Variants in UGGT1 observed in about 807,000 individuals in gnomAD.
UGGT1 encodes the protein UDP-glucose:glycoprotein glucosyltransferase 1.
UGGT1 carries 107 observed loss-of-function variants against 203.9 expected under a neutral mutation model. The observed-to-expected ratio is 0.52, with a 90% CI of 0.45 to 0.62. UGGT1 has a LOEUF of 0.62. Among genes scored for constraint, UGGT1 ranks in the 20% least tolerant of loss-of-function variants. The probability of loss-of-function intolerance (pLI) is 0.00; values close to 1 mark genes in which losing one functional copy is unlikely to be tolerated. For missense variants in UGGT1, 1,673 were observed against 1,867.2 expected (o/e 0.90, Z 1.92); for synonymous variants, 628 against 653.5 (o/e 0.96, Z 0.59).
intron 1 of UGGT1, chr2:128,091,630 T>C (rs1390551280): frequency 7.0e-7 from 1 of 1,420,598 alleles, no homozygotes; most frequent in African/African-American, 1.5e-5. Context: ...GCGGGCTCTG[T>C]TCAGCGGTCT....
intron 1 of UGGT1, among the ~76,000 whole-genome samples, chr2:128,092,594 T>C (rs1336381616): frequency 1.2e-5 from 1 of 80,408 alleles, no homozygotes; most frequent in African/African-American, 3.7e-5. Flanking sequence ...GATAATTTTC[T>C]TTCTTTCTTT....
At position 128,172,663 on chromosome 2, in the gene UGGT1, T is replaced by C. The variant is rs374334979; in HGVS notation, c.3195T>C (p.Pro1065=). 173 of 1,614,144 alleles carry C rather than the reference T, an allele frequency of 1.1e-4. No homozygotes were observed. Among genetic ancestry groups the C allele is most frequent in the Admixed American group, 2.2e-4 (13 of 60,016 alleles). ...CAATCGCAAAATTTTTGGATATGCC[T>C]CAGTCTCCACTGTTCACTCTGAATT... ...KGPIAKFLDM[P]QSPLFTLNLN... The change falls in exon 29 of 41, where the codon CCT becomes CCC. Residue 1065 remains proline (P), a synonymous_variant. Transcript: ENST00000259253.
In UGGT1 at chr2:128,143,210, T is replaced by G; in HGVS notation, c.1836T>G (p.Tyr612Ter). 1 of 1,613,768 alleles carries G rather than the reference T, an allele frequency of 6.2e-7. No individual in the cohort carries two copies. The highest frequency in any genetic ancestry group is 8.5e-7 in the Non-Finnish European group (1 of 1,179,846). ...VNSILGIDSA[Y>*]DRNRKEARGY... Reference sequence around the variant, plus strand: ...GCATTTTGGGGATTGATTCTGCTTATGATCGGAATCGGAAGGTAAAAAATT... The same window carrying G: ...GCATTTTGGGGATTGATTCTGCTTAGGATCGGAATCGGAAGGTAAAAAATT... The change falls in exon 17 of 41, where the codon TAT (tyrosine) becomes TAG (stop). Residue 612 changes from tyrosine to a stop codon, truncating the protein, a stop_gained. Coordinates refer to ENST00000259253, the MANE Select transcript of UGGT1 (RefSeq NM_020120.4). LOFTEE classifies it high-confidence loss of function.
At chr2:128,183,817 G>T in intron 38 of UGGT1, 28 bp downstream of exon 38, 1 of 1,540,032 alleles carries the variant, frequency 6.5e-7, no homozygotes, top group Non-Finnish European at 9.0e-7. Context: ...ATGGTTAACT[G>T]TGAGTGACGG....
At position 128,152,881 on chromosome 2, in the gene UGGT1, A is replaced by G; in HGVS notation, c.2114A>G (p.Asp705Gly). Reference sequence around the variant, plus strand: ...TCTAGGATTTTGACAGCTGAACGAGACTACCTGGATTTAACAGCGAGTAGT... The same window carrying G: ...TCTAGGATTTTGACAGCTGAACGAGGCTACCTGGATTTAACAGCGAGTAGT... The part of the protein sequence containing the change: ...INSRILTAER[D>G]YLDLTASNNF... Residue 705 changes from aspartate to glycine, a missense_variant, in exon 19 of 41, where the codon GAC becomes GGC. By Grantham distance (94) the Asp-to-Gly change is moderately conservative. Transcript: ENST00000259253. 6.2e-7 allele frequency: 1 copy of G among 1,613,888 alleles called. No individual in the cohort carries two copies. The highest frequency in any genetic ancestry group is 8.5e-7 in the Non-Finnish European group (1 of 1,179,976).
At chr2:128,091,679 T>C in intron 1 of UGGT1, 1 of 1,100,382 alleles carries the variant, frequency 9.1e-7, no homozygotes, top group African/African-American at 1.7e-5. Context: ...TTGTGCCAAG[T>C]GCAGAAGGAA....
At chr2:128,111,544 C>T (rs188166798) in intron 5 of UGGT1, among the ~76,000 whole-genome samples, 6 of 152,044 alleles carry the variant, frequency 3.9e-5, no homozygotes, top group South Asian at 2.1e-4. Context: ...CTCGCTCTGT[C>T]GCCCAGGCTG....
At chr2:128,152,746 T>C (rs1246262505) in intron 18 of UGGT1, 38 bp from the exon 19 acceptor site, 1 of 1,570,922 alleles carries the variant, frequency 6.4e-7, no homozygotes, top group Non-Finnish European at 8.6e-7. Context: ...AAAATTTGCT[T>C]TACCCTCCCC....
intron 7 of UGGT1, among the ~76,000 whole-genome samples, chr2:128,115,949 A>AGG (rs1326739361): frequency 6.6e-6 from 1 of 152,306 alleles, no homozygotes; most frequent in East Asian, 1.9e-4. Context: ...ATAGTGTTTG[A>AGG]CTATTAATTT....
intron 28 of UGGT1, 121 bp from the exon 29 acceptor site, chr2:128,172,452 T>C: frequency 8.0e-7 from 1 of 1,244,670 alleles, no homozygotes; most frequent in Non-Finnish European, 1.1e-6. Context: ...CTTTTCCCAA[T>C]CTGGAAGGGT....
Position 128,181,176 on chromosome 2 carries a change from T to C in UGGT1, c.4083+104T>C, listed in dbSNP as rs1222184317. 6 of 1,148,340 alleles carry C rather than the reference T, an allele frequency of 5.2e-6. No individual in the cohort carries two copies. In the East Asian group the frequency reaches 1.2e-4, roughly 23 times the overall value. The allele number at this position is 1,148,340 out of a possible 1,614,324, so 71.1% of individuals were successfully genotyped here. ...CTTATGGAAAAGGACATGCTTATTT[T>C]ACATTTAGAAAATATGAAAATATGT... On this transcript the variant is annotated intron_variant, in intron 36 of 40. Transcript: ENST00000259253.
chr2:128,164,514 A>T (rs1428271180), intron 25 of UGGT1, among the ~76,000 whole-genome samples: 2 of 152,230 alleles, frequency 1.3e-5, no homozygotes, highest in East Asian at 1.9e-4. Context: ...AGAGTCATGC[A>T]GCGTGGGTGC....
At position 128,145,989 on chromosome 2, in the gene UGGT1, A is replaced by AT. The variant is rs755941534; in HGVS notation, c.2016+28dup. On this transcript the variant is annotated intron_variant, in intron 18 of 40. Coordinates refer to ENST00000259253, the MANE Select transcript of UGGT1 (RefSeq NM_020120.4). The stretch of plus-strand genomic sequence containing the variant: ...CTTGGTGAGTCACGTTTCAAGGCTG[A>AT]TTTTTTAAAGAGAACAGTTGGCTTA... The AT allele has an allele frequency of 2.0e-5, 33 of 1,612,968 alleles. No homozygotes were observed. In the East Asian group the frequency reaches 3.8e-4, roughly 19 times the overall value.
chr2:128,123,806 T>G (rs1263971939), intron 11 of UGGT1, among the ~76,000 whole-genome samples: 4 of 152,206 alleles, frequency 2.6e-5, no homozygotes, highest in Admixed American at 2.0e-4. Context: ...TTTAACCTCC[T>G]TTGTTGGATC....
At chr2:128,157,865 A>G (rs757005380) in intron 22 of UGGT1, among the ~76,000 whole-genome samples, 5 of 152,166 alleles carry the variant, frequency 3.3e-5, no homozygotes, top group Non-Finnish European at 7.4e-5. Context: ...GAAGCAGCTG[A>G]TTCTTCTGGA....
intron 4 of UGGT1, among the ~76,000 whole-genome samples, chr2:128,108,462 G>A (rs1390536082): frequency 6.6e-6 from 1 of 152,026 alleles, no homozygotes; most frequent in East Asian, 1.9e-4. Flanking sequence ...TTCAGGAATC[G>A]TTGTAGTAAA....
chr2:128,152,804 A>G lies in UGGT1; in HGVS notation c.2037A>G (p.Gln679=), dbSNP rs780644471. ...AVYLGELPHD[Q]DVVEYIMNQP... is the part of the protein sequence containing the mutation. ...TGCAGGGTGAACTGCCCCATGATCA[A>G]GATGTGGTAGAGTATATCATGAATC... Residue 679 remains glutamine (Q), a synonymous_variant, in exon 19 of 41, where the codon CAA becomes CAG. Coordinates refer to ENST00000259253, the MANE Select transcript of UGGT1 (RefSeq NM_020120.4). The G allele has an allele frequency of 6.2e-7, 1 of 1,611,752 alleles. No homozygotes were observed. Among genetic ancestry groups the G allele is most frequent in the Non-Finnish European group, 8.5e-7 (1 of 1,179,306 alleles).
In UGGT1 at chr2:128,190,735, T is replaced by A. The variant is rs1456135896; in HGVS notation, c.*993T>A. 1 of 152,224 alleles carries A rather than the reference T, an allele frequency of 6.6e-6. No individual in the cohort carries two copies. Among genetic ancestry groups the A allele is most frequent in the Non-Finnish European group, 1.5e-5 (1 of 68,086 alleles). The allele number at this position is 152,224 out of a possible 1,614,324, so 9.4% of individuals were successfully genotyped here. A position where few individuals can be genotyped will look rare whatever the true frequency, so the allele number is the denominator to read the frequency against. On this transcript the variant is annotated 3_prime_UTR_variant, in exon 41 of 41. Coordinates refer to ENST00000259253, the MANE Select transcript of UGGT1 (RefSeq NM_020120.4). ...TTGTCTGCCCTCTTTTGCGTAGGAT[T>A]TTTCTCTCAGACCCAGGGGACATTG... is the stretch of plus-strand genomic sequence containing the variant.
At position 128,161,168 on chromosome 2, in the gene UGGT1, T is replaced by C; in HGVS notation, c.2725T>C (p.Phe909Leu). ...IIGPLEDSEL[F>L]NQDDFHLLEN... is the part of the protein sequence containing the mutation. ...TGGGCCACTGGAGGATAGTGAGCTC[T>C]TTAATCAAGACGATTTCCACCTCCT... Residue 909 changes from phenylalanine to leucine, a missense_variant, in exon 25 of 41, where the codon TTT (phenylalanine) becomes CTT (leucine). Coordinates refer to ENST00000259253, the MANE Select transcript of UGGT1 (RefSeq NM_020120.4). The C allele has an allele frequency of 6.2e-7, 1 of 1,614,100 alleles. No individual in the cohort carries two copies. Among genetic ancestry groups the C allele is most frequent in the Non-Finnish European group, 8.5e-7 (1 of 1,179,990 alleles).
Sources: gnomAD v4.1 joint callset for allele counts (sites outside exome capture counted in the v4.1 genomes callset) on GRCh38, gnomAD v4.1.1 for gene constraint, MANE v1.5 for transcripts, NCBI Gene and HGNC (gene_info 2026-07-23, HGNC 2026-07-21) for gene names.